FAM124B: variants seen among roughly 807,000 people sequenced by gnomAD.
FAM124B encodes protein FAM124B.
FAM124B carries 18 observed loss-of-function variants against 19.7 expected under a neutral mutation model. The ratio of observed to expected loss-of-function variants is 0.92; its 90% CI spans 0.63 to 1.36. The LOEUF (loss-of-function observed/expected upper bound fraction) is 1.36, where lower values mean the gene tolerates loss of function less well. FAM124B is among the 40% of genes most tolerant of loss of function. The pLI is 0.00. For synonymous variants in FAM124B, 223 were observed against 225.2 expected (o/e 0.99, Z 0.09); for missense variants, 540 against 553.3 (o/e 0.98, Z 0.24).
chr2:224,380,966 C>G (rs919034919), intron 1 of FAM124B, among the ~76,000 whole-genome samples: 1 of 152,178 alleles, frequency 6.6e-6, no homozygotes, highest in African/African-American at 2.4e-5. Flanking sequence ...TCACTGACCC[C>G]CCTTTAAGAC....
In FAM124B at chr2:224,388,249, T is replaced by C. The variant is rs562543999; in HGVS notation, c.733-8041A>G. Among the ~76,000 whole-genome samples, 7 of 152,278 alleles carry C rather than the reference T, an allele frequency of 4.6e-5. No individual in the cohort carries two copies. In the South Asian group the frequency reaches 1.0e-3, roughly 23 times the overall value. On this transcript the variant is annotated intron_variant, in intron 1 of 1. Coordinates refer to ENST00000409685, the MANE Select transcript of FAM124B (RefSeq NM_001122779.2). ...GGAATTAATGTGCCCTTGAGCTTCA[T>C]GGGAGGTTTCAAAGAGGAAGTGGAA... is the stretch of plus-strand genomic sequence containing the variant.
chr2:224,390,207 GT>G, intron 1 of FAM124B, among the ~76,000 whole-genome samples: 1 of 151,024 alleles, frequency 6.6e-6, no homozygotes, highest in South Asian at 2.1e-4. Flanking sequence ...AAAGAACTGG[GT>G]TATGACGGCC....
In FAM124B at chr2:224,401,514, G is replaced by A; in HGVS notation, c.255C>T (p.Val85=). The change falls in exon 1 of 2, where the codon GTC becomes GTT. Residue 85 remains valine, a synonymous_variant. Coordinates refer to ENST00000409685, the MANE Select transcript of FAM124B (RefSeq NM_001122779.2). ...ESPGEDRLFR[V]LDSLQHSPWQ... ...ATGGCGAATGCTGGAGAGAGTCCAG[G>A]ACGCGAAATAGCCTATCCTCTCCCG... 6.2e-7 allele frequency: 1 copy of A among 1,614,114 alleles called. No homozygotes were observed. The highest frequency in any genetic ancestry group is 8.5e-7 in the Non-Finnish European group (1 of 1,180,004).
chr2:224,396,808 G>A (rs770475247), intron 1 of FAM124B, among the ~76,000 whole-genome samples: 6 of 152,226 alleles, frequency 3.9e-5, no homozygotes, highest in African/African-American at 7.2e-5. Flanking sequence ...GGTGGGGCAA[G>A]GCACTTGGAA....
At position 224,378,758 on chromosome 2, in the gene FAM124B, G is replaced by A. The variant is rs566061250; in HGVS notation, c.*815C>T. On this transcript the variant is annotated 3_prime_UTR_variant, in exon 2 of 2. Transcript: ENST00000409685. ...ATAAATGAATGAATGAGTGCGTTTTGTAAAGGAATCTGGGAGTCAAAATCT... is the reference window on the plus strand; with the variant it reads ...ATAAATGAATGAATGAGTGCGTTTTATAAAGGAATCTGGGAGTCAAAATCT... The A allele has an allele frequency of 1.3e-4, 20 of 152,308 alleles. No individual in the cohort carries two copies. The South Asian group carries it at 2.7e-3, about 21-fold the overall frequency. The allele number at this position is 152,308 out of a possible 1,614,324, so 9.4% of individuals were successfully genotyped here. A position where few individuals can be genotyped will look rare whatever the true frequency, so the allele number is the denominator to read the frequency against.
intron 1 of FAM124B, among the ~76,000 whole-genome samples, chr2:224,383,084 T>G (rs1222032763): frequency 6.6e-6 from 1 of 152,002 alleles, no homozygotes; most frequent in African/African-American, 2.4e-5. Context: ...TGCAAACCCA[T>G]AGGAGAAATT....
In FAM124B at chr2:224,401,654, C is replaced by T; in HGVS notation, c.115G>A (p.Val39Ile). The T allele has an allele frequency of 6.2e-7, 1 of 1,614,166 alleles. No homozygotes were observed. Among genetic ancestry groups the T allele is most frequent in the Non-Finnish European group, 8.5e-7 (1 of 1,180,050 alleles). ...DQLLDCICPE[V>I]RLFQVSERAS... ...CGTTCAGACACCTGAAAGAGCCGGA[C>T]CTCTGGGCAAATGCAATCCAGGAGC... The change falls in exon 1 of 2, where the codon GTC becomes ATC. Residue 39 changes from valine to isoleucine, a missense_variant. By Grantham distance (29) the Val-to-Ile change is conservative. Coordinates refer to ENST00000409685, the MANE Select transcript of FAM124B (RefSeq NM_001122779.2).
intron 1 of FAM124B, among the ~76,000 whole-genome samples, chr2:224,389,228 G>A (rs1689843962): frequency 6.6e-6 from 1 of 152,160 alleles, no homozygotes; most frequent in African/African-American, 2.4e-5. Flanking sequence ...CACCACAACT[G>A]GCCTGCAAAG....
chr2:224,390,154 C>G (rs1323475526), intron 1 of FAM124B, among the ~76,000 whole-genome samples: 92 of 145,512 alleles, frequency 6.3e-4, no homozygotes, highest in African/African-American at 2.3e-3. Context: ...CACACACACA[C>G]ACACAGAAAA....
chr2:224,397,548 G>A (rs1179135901), intron 1 of FAM124B, among the ~76,000 whole-genome samples: 4 of 152,180 alleles, frequency 2.6e-5, no homozygotes, highest in Non-Finnish European at 5.9e-5. Flanking sequence ...ACAGTCTGGA[G>A]GGCTCAGAAG....
At chr2:224,392,256 A>G (rs2106084460) in intron 1 of FAM124B, among the ~76,000 whole-genome samples, 1 of 152,292 alleles carries the variant, frequency 6.6e-6, no homozygotes, top group Non-Finnish European at 1.5e-5. Flanking sequence ...CAGACTGGGC[A>G]ACATAGCAAG....
chr2:224,378,838 C>A lies in FAM124B; in HGVS notation c.*735G>T, dbSNP rs188582394. The A allele has an allele frequency of 6.6e-6, 1 of 152,294 alleles. No individual in the cohort carries two copies. Among genetic ancestry groups the A allele is most frequent in the Non-Finnish European group, 1.5e-5 (1 of 68,044 alleles). The allele number at this position is 152,294 out of a possible 1,614,324, so 9.4% of individuals were successfully genotyped here. A position where few individuals can be genotyped will look rare whatever the true frequency, so the allele number is the denominator to read the frequency against. ...GACCAGATCAACCAGTCCAATTTTC[C>A]CACTGTGCTCAATGTTCCTCTTTGG... is the stretch of plus-strand genomic sequence containing the variant. On this transcript the variant is annotated 3_prime_UTR_variant, in exon 2 of 2. Coordinates refer to ENST00000409685, the MANE Select transcript of FAM124B (RefSeq NM_001122779.2).
intron 1 of FAM124B, 103 bp downstream of exon 1, chr2:224,400,934 C>G: frequency 7.0e-7 from 1 of 1,425,618 alleles, no homozygotes. Context: ...CTAAGGGACG[C>G]TAATATGCAA....
Position 224,401,374 on chromosome 2 carries a change from T to G in FAM124B, c.395A>C (p.His132Pro). 6.2e-7 allele frequency: 1 copy of G among 1,614,076 alleles called. No homozygotes were observed. Among genetic ancestry groups the G allele is most frequent in the Non-Finnish European group, 8.5e-7 (1 of 1,180,010 alleles). The change falls in exon 1 of 2, where the codon CAC (histidine) becomes CCC (proline). Residue 132 changes from histidine to proline, a missense_variant. Transcript: ENST00000409685. The stretch of plus-strand genomic sequence containing the variant: ...CACCCTCAGGATCTCGGAGCCACAG[T>G]GCACCTGCCTCACCCCCCAGATGGG... ...QLPIWGVRQV[H>P]CGSEILRVTL...
At chr2:224,400,664 G>T (rs1291429103) in intron 1 of FAM124B, among the ~76,000 whole-genome samples, 2 of 152,184 alleles carry the variant, frequency 1.3e-5, no homozygotes, top group African/African-American at 4.8e-5. Flanking sequence ...CGGCAAGCCT[G>T]AGAAAGGAGG....
rs2106092196 is a variant in FAM124B at position 224,401,719 on chromosome 2, T to C, written c.50A>G (p.Asn17Ser). Reference protein sequence around the residue: ...PLAMTVHLLANSGHGSLLQRT... With the variant: ...PLAMTVHLLASSGHGSLLQRT... ...CTGCAGAAGGGAGCCGTGCCCAGAGTTGGCAAGAAGATGGACAGTCATGGC... is the reference window on the plus strand; with the variant it reads ...CTGCAGAAGGGAGCCGTGCCCAGAGCTGGCAAGAAGATGGACAGTCATGGC... Residue 17 changes from asparagine to serine, a missense_variant, in exon 1 of 2, where the codon AAC (asparagine) becomes AGC (serine). Physicochemically the swap from Asn to Ser is conservative, Grantham distance 46 (BLOSUM62 1). Coordinates refer to ENST00000409685, the MANE Select transcript of FAM124B (RefSeq NM_001122779.2). 1 of 1,613,988 alleles carries C rather than the reference T, an allele frequency of 6.2e-7. No homozygotes were observed. Among genetic ancestry groups the C allele is most frequent in the Middle Eastern group, 1.7e-4 (1 of 6,028 alleles).
intron 1 of FAM124B, among the ~76,000 whole-genome samples, chr2:224,397,665 A>C (rs1169499960): frequency 6.6e-6 from 1 of 152,232 alleles, no homozygotes; most frequent in African/African-American, 2.4e-5. Flanking sequence ...AGGTGGTCTT[A>C]GATGGAGATG....
chr2:224,388,686 C>T (rs1440527739), intron 1 of FAM124B, among the ~76,000 whole-genome samples: 2 of 152,182 alleles, frequency 1.3e-5, no homozygotes, highest in East Asian at 3.8e-4. Context: ...GCCACTGAAT[C>T]GTACCCTCGA....
Position 224,379,989 on chromosome 2 carries a change from C to G in FAM124B, c.952G>C (p.Gly318Arg), listed in dbSNP as rs1216807552. Residue 318 changes from glycine (G) to arginine (R), a missense_variant, in exon 2 of 2, where the codon GGC (glycine) becomes CGC (arginine). By Grantham distance (125) the Gly-to-Arg change is moderately radical. Coordinates refer to ENST00000409685, the MANE Select transcript of FAM124B (RefSeq NM_001122779.2). ...RCAGTSWKSP[G>R]RSFQVSSPAM... ...GGGCTGCTGACCTGGAATGACCGGCCAGGGCTTTTCCACGAAGTGCCAGCA... is the reference window on the plus strand; with the variant it reads ...GGGCTGCTGACCTGGAATGACCGGCGAGGGCTTTTCCACGAAGTGCCAGCA... 6.4e-7 allele frequency: 1 copy of G among 1,551,708 alleles called. No homozygotes were observed.
Sources: gnomAD v4.1 joint callset for allele counts (sites outside exome capture counted in the v4.1 genomes callset) on GRCh38, gnomAD v4.1.1 for gene constraint, MANE v1.5 for transcripts, NCBI Gene and HGNC (gene_info 2026-07-23, HGNC 2026-07-21) for gene names.